The following CTPS2 variants were observed in gnomAD, a reference collection of about 807,000 sequenced individuals.
The protein encoded by CTPS2 is CTP synthase 2, also known as CTP synthase II.
A neutral mutation model predicts 46.8 loss-of-function variants in CTPS2; 19 were observed. The observed-to-expected ratio is 0.41, with a 90% CI of 0.28 to 0.60. CTPS2 has a LOEUF of 0.60. Among genes scored for constraint, CTPS2 ranks in the 20% least tolerant of loss-of-function variants. The pLI is 0.35. For synonymous variants in CTPS2, 151 were observed against 165.2 expected, an observed-to-expected ratio of 0.91 and a Z score of 0.66; for missense variants, 286 against 447.6, an observed-to-expected ratio of 0.64 and a Z score of 3.26.
Position 16,674,274 on chromosome X carries a change from C to T in CTPS2, c.1095-3600G>A, listed in dbSNP as rs188763915. Among the ~76,000 whole-genome samples the T allele has an allele frequency of 1.4e-4, 16 of 110,962 alleles. No homozygotes were observed. In the East Asian group the frequency reaches 1.4e-3, roughly 10 times the overall value. On this transcript the variant is annotated intron_variant, in intron 10 of 18. Coordinates refer to ENST00000359276, the MANE Select transcript of CTPS2 (RefSeq NM_175859.3). ...CACCTCGTGGGTTCAAACGATTCTC[C>T]TGCCTCAGCCTCCCAGGTAGCTGGG...
At chrX:16,687,397 C>T (rs1252131963) in intron 8 of CTPS2, among the ~76,000 whole-genome samples, 1 of 105,026 alleles carries the variant, frequency 9.5e-6, no homozygotes, top group Admixed American at 1.1e-4. Context: ...ATCGCTTGAG[C>T]CCAGGAGGTC....
At chrX:16,688,097 A>G (rs1923391285) in intron 8 of CTPS2, among the ~76,000 whole-genome samples, 1 of 111,379 alleles carries the variant, frequency 9.0e-6, no homozygotes, top group African/African-American at 3.3e-5. Context: ...TCTCAACTAC[A>G]TTTAGTAAAA....
chrX:16,672,445 G>C (rs771686335), intron 10 of CTPS2, among the ~76,000 whole-genome samples: 7 of 110,854 alleles, frequency 6.3e-5, no homozygotes, highest in African/African-American at 2.3e-4. Flanking sequence ...TTTCCTTTTC[G>C]TATCTTTTCT....
chrX:16,599,476 C>CTTTTTTTT (rs56794396), intron 17 of CTPS2, among the ~76,000 whole-genome samples: 3 of 86,193 alleles, frequency 3.5e-5, no homozygotes, highest in African/African-American at 9.1e-5. Flanking sequence ...TCTTTTTTTT[C>CTTTTTTTT]TTTTTTTTTT....
chrX:16,658,138 G>A (rs1405652038), intron 13 of CTPS2, among the ~76,000 whole-genome samples: 2 of 109,332 alleles, frequency 1.8e-5, no homozygotes, highest in African/African-American at 3.3e-5. Context: ...CCCGGGAGGC[G>A]GAGGTTGCAG....
At position 16,629,057 on chromosome X, in the gene CTPS2, C is replaced by T. The variant is rs1468514068; in HGVS notation, c.1394-8725G>A. Among the ~76,000 whole-genome samples the T allele has an allele frequency of 6.2e-5, 7 of 112,167 alleles. No homozygotes were observed. In the East Asian group the frequency reaches 8.5e-4, roughly 14 times the overall value. On this transcript the variant is annotated intron_variant, in intron 14 of 18. Coordinates refer to ENST00000359276, the MANE Select transcript of CTPS2 (RefSeq NM_175859.3). ...CAGATGCAGAAACTGAGGCGTGGTGCGGGTAAGTAGCTCCACATAGCCAGA... is the reference window on the plus strand; with the variant it reads ...CAGATGCAGAAACTGAGGCGTGGTGTGGGTAAGTAGCTCCACATAGCCAGA...
intron 14 of CTPS2, among the ~76,000 whole-genome samples, chrX:16,627,855 G>A (rs1931247294): frequency 8.9e-6 from 1 of 111,763 alleles, no homozygotes; most frequent in South Asian, 3.8e-4. Flanking sequence ...AGGATTCTCA[G>A]TGAGGGCAGC....
At position 16,683,490 on chromosome X, in the gene CTPS2, T is replaced by C. The variant is rs1448779337; in HGVS notation, c.873-264A>G. Among the ~76,000 whole-genome samples the C allele has an allele frequency of 3.6e-5, 4 of 111,118 alleles. No homozygotes were observed. The East Asian group carries it at 1.1e-3, about 31-fold the overall frequency. ...GGGGCATGCCTACAATCCCAGCTAC[T>C]CAGGAGGCTGAGGTTGGAGGATCAC... On this transcript the variant is annotated intron_variant, in intron 8 of 18. Coordinates refer to ENST00000359276, the MANE Select transcript of CTPS2 (RefSeq NM_175859.3).
chrX:16,689,357 CAA>C, intron 8 of CTPS2, 91 bp downstream of exon 8: 2 of 928,932 alleles, frequency 2.2e-6, no homozygotes, highest in East Asian at 6.2e-5. Flanking sequence ...CGCAAAATGC[CAA>C]ATACACACGC....
intron 9 of CTPS2, among the ~76,000 whole-genome samples, chrX:16,679,763 G>A (rs888256862): frequency 1.8e-5 from 2 of 111,388 alleles, no homozygotes; most frequent in African/African-American, 6.5e-5. Flanking sequence ...CGCACATGGG[G>A]ATATAACCAG....
In CTPS2 at chrX:16,702,603, G is replaced by GA. The variant is rs1017255047; in HGVS notation, c.166+133dup. On this transcript the variant is annotated intron_variant, in intron 2 of 18. Coordinates refer to ENST00000359276, the MANE Select transcript of CTPS2 (RefSeq NM_175859.3). ...ATGAACAATGTATCAATGACCATGA[G>GA]AAAATTCACATATTCATAGCATACG... The GA allele has an allele frequency of 2.0e-5, 11 of 548,363 alleles. No homozygotes were observed. The African/African-American group carries it at 2.5e-4, about 13-fold the overall frequency. The allele number at this position is 548,363 out of a possible 1,213,427, so 45.2% of individuals were successfully genotyped here.
intron 10 of CTPS2, among the ~76,000 whole-genome samples, chrX:16,676,719 T>C (rs891536796): frequency 9.0e-6 from 1 of 111,459 alleles, no homozygotes; most frequent in African/African-American, 3.3e-5. Context: ...AGACTGACCC[T>C]GCTTATTCCT....
intron 13 of CTPS2, among the ~76,000 whole-genome samples, chrX:16,650,834 G>A (rs1932584304): frequency 9.0e-6 from 1 of 110,519 alleles, no homozygotes; most frequent in South Asian, 3.9e-4. Flanking sequence ...TTTTAAACAT[G>A]TTAGTAGTTA....
chrX:16,636,650 C>T (rs1169623821), intron 14 of CTPS2, among the ~76,000 whole-genome samples: 1 of 111,639 alleles, frequency 9.0e-6, no homozygotes, highest in Non-Finnish European at 1.9e-5. Flanking sequence ...TTGGGCCGGG[C>T]GCGGTGGCTC....
chrX:16,689,557 C>G lies in CTPS2; in HGVS notation c.765G>C (p.Val255=), dbSNP rs200789234. The change falls in exon 8 of 19, where the codon GTG becomes GTC. Residue 255 remains valine, a synonymous_variant. Transcript: ENST00000359276. Reference sequence around the variant, plus strand: ...TCACAATGCTTTGTTCCTCTAAAAGCACAGGAACTCGGTATGTGGAAGAAA... The same window carrying G: ...TCACAATGCTTTGTTCCTCTAAAAGGACAGGAACTCGGTATGTGGAAGAAA... ...HDVSSTYRVP[V]LLEEQSIVKY... 7 of 1,207,473 alleles carry G rather than the reference C, an allele frequency of 5.8e-6. No individual in the cohort carries two copies. In the Admixed American group the frequency reaches 1.1e-4, roughly 19 times the overall value.
At chrX:16,620,431 TATCA>T (rs1397062927) in intron 14 of CTPS2, 99 bp from the exon 15 acceptor site, 23 of 573,607 alleles carry the variant, frequency 4.0e-5, no homozygotes, top group Non-Finnish European at 1.4e-5. Context: ...ACTATCTATC[TATCA>T]GAGGACTAAA....
At chrX:16,649,878 T>G (rs1479296440) in intron 13 of CTPS2, among the ~76,000 whole-genome samples, 2 of 111,910 alleles carry the variant, frequency 1.8e-5, no homozygotes, top group African/African-American at 6.5e-5. Flanking sequence ...TATCTAAGCT[T>G]TATGAAATGT....
intron 15 of CTPS2, among the ~76,000 whole-genome samples, chrX:16,620,076 G>A (rs755313390): frequency 9.4e-4 from 104 of 110,712 alleles, no homozygotes; most frequent in South Asian, 4.8e-3. Flanking sequence ...AAAAACATGA[G>A]AGCCTCCGCC....
Position 16,588,266 on chromosome X carries a change from G to A in CTPS2, c.*1551C>T, listed in dbSNP as rs1055098242. On this transcript the variant is annotated 3_prime_UTR_variant, in exon 19 of 19. Coordinates refer to ENST00000359276, the MANE Select transcript of CTPS2 (RefSeq NM_175859.3). ...TGGGCCACCTGGTGGTCTGGCCAGC[G>A]GCAACAAGGCTGTAAATCAATTAAT... The A allele has an allele frequency of 2.7e-5, 3 of 111,776 alleles. No individual in the cohort carries two copies. The highest frequency in any genetic ancestry group is 2.8e-4 in the East Asian group (1 of 3,554). The allele number at this position is 111,776 out of a possible 1,213,427, so 9.2% of individuals were successfully genotyped here. A position where few individuals can be genotyped will look rare whatever the true frequency, so the allele number is the denominator to read the frequency against.
Sources: gnomAD v4.1 joint callset for allele counts (sites outside exome capture counted in the v4.1 genomes callset) on GRCh38, gnomAD v4.1.1 for gene constraint, MANE v1.5 for transcripts, NCBI Gene and HGNC (gene_info 2026-07-23, HGNC 2026-07-21) for gene names.